Variants in APOB observed in about 807,000 individuals in gnomAD.
APOB encodes the protein apolipoprotein B.
In APOB, 153 loss-of-function variants were observed where a neutral mutation model predicts 314.1. The observed-to-expected ratio is 0.49, with a 90% CI of 0.43 to 0.56. The LOEUF (loss-of-function observed/expected upper bound fraction) is 0.56. Ranked by LOEUF, APOB falls within the 20% of genes least tolerant of loss-of-function variation. APOB has a pLI of 0.00. For synonymous variants in APOB, 2,087 were observed against 2,036.4 expected (o/e 1.02, Z -0.67); for missense variants, 5,430 against 5,350.7 (o/e 1.01, Z -0.46).
At position 21,028,495 on chromosome 2, in the gene APOB, G is replaced by C. The variant is rs12714214; in HGVS notation, c.1661C>G (p.Pro554Arg). ...ATAGGCAGCCAGTCGCTTATCTCCC[G>C]GAGAAGCATCATCAAGGAAAGTCTG... is the stretch of plus-strand genomic sequence containing the variant. The part of the protein sequence containing the change: ...LLQTFLDDAS[P>R]GDKRLAAYLM... The change falls in exon 13 of 29, where the codon CCG becomes CGG. Residue 554 changes from proline (P) to arginine (R), a missense_variant. Transcript: ENST00000233242. The C allele has an allele frequency of 5.0e-6, 8 of 1,613,588 alleles. No individual in the cohort carries two copies. The African/African-American group carries it at 8.0e-5, about 16-fold the overall frequency.
At chr2:21,015,910 G>T (rs948276284) in intron 21 of APOB, among the ~76,000 whole-genome samples, 1 of 152,046 alleles carries the variant, frequency 6.6e-6, no homozygotes, top group African/African-American at 2.4e-5. Flanking sequence ...TTTCTTTAAA[G>T]CACCCAGCAC....
chr2:21,030,865 T>G (rs1172223100), intron 10 of APOB, among the ~76,000 whole-genome samples: 1 of 152,194 alleles, frequency 6.6e-6, no homozygotes, highest in African/African-American at 2.4e-5. Context: ...ATAACATTAC[T>G]AATCATTAGA....
At position 21,043,940 on chromosome 2, in the gene APOB, G is replaced by A; in HGVS notation, c.6C>T (p.Asp2=). The A allele has an allele frequency of 7.5e-7, 1 of 1,339,822 alleles. No individual in the cohort carries two copies. Among genetic ancestry groups the A allele is most frequent in the Non-Finnish European group, 9.6e-7 (1 of 1,045,688 alleles). The allele number at this position is 1,339,822 out of a possible 1,614,324, so 83.0% of individuals were successfully genotyped here. The change falls in exon 1 of 29, where the codon GAC becomes GAT. Residue 2 remains aspartate (D), a synonymous_variant. Coordinates refer to ENST00000233242, the MANE Select transcript of APOB (RefSeq NM_000384.3). ...GCGCCAGCAGCGCGGGCCTCGGCGGGTCCATCGCCAGCTGCGGTGGGGCGG... is the reference window on the plus strand; with the variant it reads ...GCGCCAGCAGCGCGGGCCTCGGCGGATCCATCGCCAGCTGCGGTGGGGCGG... M[D]PPRPALLALL...
chr2:21,028,265 C>A, intron 13 of APOB, 62 bp downstream of exon 13: 2 of 1,449,732 alleles, frequency 1.4e-6, no homozygotes, highest in Non-Finnish European at 1.9e-6. Context: ...ATGCCAAAAC[C>A]TAGGGTTGGA....
chr2:21,008,281 C>T lies in APOB; in HGVS notation c.8587G>A (p.Glu2863Lys). 1 of 1,613,700 alleles carries T rather than the reference C, an allele frequency of 6.2e-7. No homozygotes were observed. The highest frequency in any genetic ancestry group is 8.5e-7 in the Non-Finnish European group (1 of 1,179,818). The stretch of plus-strand genomic sequence containing the variant: ...TTACTAAGCTCCAGTGTATTTTTTT[C>T]TGTGTGTAAACTTGCCACTGTGTTT... The part of the protein sequence containing the change: ...KSNTVASLHT[E>K]KNTLELSNGV... The change falls in exon 26 of 29, where the codon GAA becomes AAA. Residue 2863 changes from glutamate (E) to lysine (K), a missense_variant. Physicochemically the swap from Glu to Lys is moderately conservative, Grantham distance 56 (BLOSUM62 1). Transcript: ENST00000233242.
chr2:21,004,736 T>C (rs1663083514), intron 26 of APOB, 61 bp from the exon 27 acceptor site: 1 of 1,275,952 alleles, frequency 7.8e-7, no homozygotes, highest in East Asian at 2.3e-5. Context: ...GATGTTTTCA[T>C]TGTGAAAACT....
At chr2:21,040,181 C>G (rs1664096361) in intron 4 of APOB, among the ~76,000 whole-genome samples, 1 of 152,180 alleles carries the variant, frequency 6.6e-6, no homozygotes, top group Non-Finnish European at 1.5e-5. Flanking sequence ...CTTGCTGTCC[C>G]TCACCTTCCG....
In APOB at chr2:21,011,803, G is replaced by A. The variant is rs780820172; in HGVS notation, c.5065C>T (p.Arg1689Cys). ...GASMKLTTNG[R>C]FREHNAKFSL... is the part of the protein sequence containing the mutation. ...AATTTTGCATTGTGTTCCCTGAAGC[G>A]GCCATTTGTTGTTAATTTCATAGAT... The change falls in exon 26 of 29, where the codon CGC becomes TGC. Residue 1689 changes from arginine (R) to cysteine (C), a missense_variant. By Grantham distance (180) the Arg-to-Cys change is radical. Transcript: ENST00000233242. The A allele has an allele frequency of 2.2e-5, 35 of 1,613,956 alleles. No homozygotes were observed. In the East Asian group the frequency reaches 2.5e-4, roughly 11 times the overall value.
At position 21,016,368 on chromosome 2, in the gene APOB, G is replaced by T. The variant is rs541986941; in HGVS notation, c.3332+71C>A. The stretch of plus-strand genomic sequence containing the variant: ...AGAACATGGCTTGGTCAGGTATGAA[G>T]TGGAAGAGGAATAATGAAAAGAACC... On this transcript the variant is annotated intron_variant, in intron 21 of 28. Transcript: ENST00000233242. The T allele has an allele frequency of 5.2e-5, 43 of 824,246 alleles. No homozygotes were observed. In the African/African-American group the frequency reaches 7.2e-4, roughly 14 times the overall value. The allele number at this position is 824,246 out of a possible 1,614,324, so 51.1% of individuals were successfully genotyped here.
Position 21,029,735 on chromosome 2 carries a change from C to T in APOB, c.1521G>A (p.Lys507=), listed in dbSNP as rs1463926730. Residue 507 remains lysine (K), a synonymous_variant, in exon 12 of 29, where the codon AAG becomes AAA. Transcript: ENST00000233242. ...TTTGGACACATTTCAGGATTGAAGACTTGAGTTCTGGAGTTAACTGCTCCA... is the reference window on the plus strand; with the variant it reads ...TTTGGACACATTTCAGGATTGAAGATTTGAGTTCTGGAGTTAACTGCTCCA... ...QTMEQLTPEL[K]SSILKCVQST... is the part of the protein sequence containing the mutation. 6.2e-7 allele frequency: 1 copy of T among 1,614,170 alleles called. No homozygotes were observed. The highest frequency in any genetic ancestry group is 8.5e-7 in the Non-Finnish European group (1 of 1,180,020).
chr2:21,018,387 A>G (rs1663526153), intron 20 of APOB, among the ~76,000 whole-genome samples: 1 of 151,816 alleles, frequency 6.6e-6, no homozygotes, highest in South Asian at 2.1e-4. Context: ...CTATGAGATT[A>G]TCCTTCCTTC....
chr2:21,016,989 ATAAAT>A (rs1558567921), intron 20 of APOB, among the ~76,000 whole-genome samples: 3 of 113,212 alleles, frequency 2.6e-5, no homozygotes, highest in South Asian at 2.4e-4. Context: ...ATCTCAAAAA[ATAAAT>A]AAATAAATAA....
intron 3 of APOB, among the ~76,000 whole-genome samples, chr2:21,041,592 A>C (rs558297154): frequency 1.3e-4 from 20 of 152,222 alleles, no homozygotes; most frequent in Non-Finnish European, 2.2e-4. Flanking sequence ...AGCACTATTC[A>C]AATAACTTTA....
chr2:21,019,806 G>T lies in APOB; in HGVS notation c.2916C>A (p.Gly972=), dbSNP rs757039014. Residue 972 remains glycine, a synonymous_variant, in exon 19 of 29, where the codon GGC becomes GGA. Coordinates refer to ENST00000233242, the MANE Select transcript of APOB (RefSeq NM_000384.3). ...SWSVCKQVFP[G]LNYCTSGAYS... ...AAGCGCCTGAGGTGCAGTAATTCAGGCCAGGAAAGACTTGCTTGCAAACTG... is the reference window on the plus strand; with the variant it reads ...AAGCGCCTGAGGTGCAGTAATTCAGTCCAGGAAAGACTTGCTTGCAAACTG... 1 of 1,614,118 alleles carries T rather than the reference G, an allele frequency of 6.2e-7. No homozygotes were observed. Among genetic ancestry groups the T allele is most frequent in the Non-Finnish European group, 8.5e-7 (1 of 1,180,020 alleles).
intron 28 of APOB, 93 bp downstream of exon 28, chr2:21,004,176 G>T: frequency 1.4e-6 from 2 of 1,383,090 alleles, no homozygotes; most frequent in Non-Finnish European, 2.0e-6. Flanking sequence ...ACCTAGTTTG[G>T]GGAATCTCTG....
chr2:21,032,954 T>C (rs1397852792), intron 9 of APOB, among the ~76,000 whole-genome samples: 1 of 152,122 alleles, frequency 6.6e-6, no homozygotes, highest in Non-Finnish European at 1.5e-5. Flanking sequence ...AGAAATCATA[T>C]TATATTTTTC....
In APOB at chr2:21,011,898, G is replaced by A. The variant is rs144239254; in HGVS notation, c.4970C>T (p.Thr1657Met). ...IGQDGISTSA[T>M]TNLKCSLLVL... ...CAGGAGACTACACTTCAAGTTGGTC[G>A]TTGCACTGGTAGATATTCCATCTTG... The change falls in exon 26 of 29, where the codon ACG (threonine) becomes ATG (methionine). Residue 1657 changes from threonine (T) to methionine (M), a missense_variant. Coordinates refer to ENST00000233242, the MANE Select transcript of APOB (RefSeq NM_000384.3). 72 of 1,613,756 alleles carry A rather than the reference G, an allele frequency of 4.5e-5. No individual in the cohort carries two copies. The Middle Eastern group carries it at 4.9e-4, about 11-fold the overall frequency.
intron 3 of APOB, among the ~76,000 whole-genome samples, chr2:21,042,023 T>C (rs900136623): frequency 6.6e-6 from 1 of 152,260 alleles, no homozygotes; most frequent in African/African-American, 2.4e-5. Context: ...CCGAGTTGCC[T>C]GCCTCCCATA....
rs1048563473 is a variant in APOB at position 21,006,409 on chromosome 2, T to C, written c.10459A>G (p.Thr3487Ala). ...VDHKLSLESL[T>A]SYFSIESSTK... The stretch of plus-strand genomic sequence containing the variant: ...GATGACTCAATGGAAAAGTAAGAGG[T>C]GAGGCTTTCCAAGCTAAGCTTGTGG... The change falls in exon 26 of 29, where the codon ACC becomes GCC. Residue 3487 changes from threonine to alanine, a missense_variant. Transcript: ENST00000233242. 4 of 1,613,844 alleles carry C rather than the reference T, an allele frequency of 2.5e-6. No individual in the cohort carries two copies. Among genetic ancestry groups the C allele is most frequent in the South Asian group, 1.1e-5 (1 of 91,078 alleles).
Sources: allele counts gnomAD v4.1 joint callset (sites outside exome capture counted in the v4.1 genomes callset), GRCh38; gene constraint gnomAD v4.1.1; transcripts MANE v1.5; gene names NCBI Gene and HGNC (gene_info 2026-07-23, HGNC 2026-07-21).